The following ARHGEF2 variants were observed in gnomAD, a reference collection of about 807,000 sequenced individuals.
ARHGEF2 encodes the protein Rho/Rac guanine nucleotide exchange factor 2.
In ARHGEF2, 22 loss-of-function variants were observed where a neutral mutation model predicts 121.0. That is an observed-to-expected ratio of 0.18 (90% confidence interval 0.13 to 0.26). The LOEUF (loss-of-function observed/expected upper bound fraction) is 0.26. Among genes scored for constraint, ARHGEF2 ranks in the 10% least tolerant of loss-of-function variants. The pLI, the probability that ARHGEF2 is intolerant of heterozygous loss-of-function variation, is 1.00. For missense variants in ARHGEF2, 907 were observed against 1,336.0 expected, an observed-to-expected ratio of 0.68 and a Z score of 5.01; for synonymous variants, 487 against 530.0, an observed-to-expected ratio of 0.92 and a Z score of 1.11.
chr1:155,947,903 G>A lies in ARHGEF2; in HGVS notation c.*39C>T. 1.5e-6 allele frequency: 2 copies of A among 1,336,776 alleles called. No individual in the cohort carries two copies. The highest frequency in any genetic ancestry group is 1.0e-6 in the Non-Finnish European group (1 of 958,112). The allele number at this position is 1,336,776 out of a possible 1,614,324, so 82.8% of individuals were successfully genotyped here. A position where few individuals can be genotyped will look rare whatever the true frequency, so the allele number is the denominator to read the frequency against. On this transcript the variant is annotated 3_prime_UTR_variant, in exon 22 of 22. Transcript: ENST00000361247. The stretch of plus-strand genomic sequence containing the variant: ...CCCCAAGGTTAGCCCCCTCAGTAAT[G>A]TTCTTCAGTGGGGCACGGGGCAGGG...
rs1677916379 is a variant in ARHGEF2, at chr1:155,961,518, C to A, written c.1468+143G>T. 1.9e-5 allele frequency: 23 copies of A among 1,195,914 alleles called. No homozygotes were observed. In the South Asian group the frequency reaches 3.0e-4, roughly 16 times the overall value. The allele number at this position is 1,195,914 out of a possible 1,614,324, so 74.1% of individuals were successfully genotyped here. On this transcript the variant is annotated intron_variant, in intron 11 of 21. Transcript: ENST00000361247. This position sits in a 1 kb window ranked among gnomAD's most constrained non-coding sequence, Gnocchi z 4.7. ...CTCAATCTCCTGACCTCGTGATCCG[C>A]CCGCCTCGGCCTCCCTAAGTGCTGG...
In ARHGEF2 at chr1:155,961,786, C is replaced by T. The variant is rs1375114361; in HGVS notation, c.1343G>A (p.Arg448His). Reference sequence around the variant, plus strand: ...TGGGGTTTGGGCCCGAGGGTCCATGCGGTTGTAGATCTCCTGCAGACGGGC... The same window carrying T: ...TGGGGTTTGGGCCCGAGGGTCCATGTGGTTGTAGATCTCCTGCAGACGGGC... ...KGARLQEIYN[R>H]MDPRAQTPVP... The change falls in exon 11 of 22, where the codon CGC (arginine) becomes CAC (histidine). Residue 448 changes from arginine (R) to histidine (H), a missense_variant. This residue lies in a region of ARHGEF2 where 475 missense variants were observed against 776.5 expected (regional missense o/e 0.61). Coordinates refer to ENST00000361247, the MANE Select transcript of ARHGEF2 (RefSeq NM_001162383.2). This position sits in a 1 kb window ranked among gnomAD's most constrained non-coding sequence, Gnocchi z 4.7. 9.3e-6 allele frequency: 15 copies of T among 1,614,066 alleles called. No individual in the cohort carries two copies. The highest frequency in any genetic ancestry group is 2.2e-5 in the East Asian group (1 of 44,898).
chr1:155,952,864 G>T, intron 14 of ARHGEF2, 36 bp from the exon 15 acceptor site: 2 of 1,608,230 alleles, frequency 1.2e-6, no homozygotes, highest in Non-Finnish European at 1.7e-6. Flanking sequence ...ATGAGAGGAC[G>T]TAGGGGTATG....
chr1:155,964,201 T>TATATATATATATATAC (rs1678843036), intron 7 of ARHGEF2, among the ~76,000 whole-genome samples: 1 of 114,760 alleles, frequency 8.7e-6, no homozygotes, highest in African/African-American at 3.4e-5. Context: ...TATATATACA[T>TATATATATATATATAC]ATATATATAT....
At chr1:155,959,821 T>C (rs2102653476) in intron 11 of ARHGEF2, among the ~76,000 whole-genome samples, 1 of 152,308 alleles carries the variant, frequency 6.6e-6, no homozygotes, top group African/African-American at 2.4e-5. Flanking sequence ...AGTGCTGAGA[T>C]TATAGGGATG....
rs1238081856 is a variant in ARHGEF2 at position 155,978,102 on chromosome 1, G to A, written c.63+263C>T. ...TTCTTTCAAGCGGCCTAAAGCACTC[G>A]GTCCCGCCGGCTTGGAGGCGACCAA... On this transcript the variant is annotated intron_variant, in intron 1 of 21. Transcript: ENST00000361247. This position sits in a 1 kb window ranked among gnomAD's most constrained non-coding sequence, Gnocchi z 4.1. 11 of 1,220,014 alleles carry A rather than the reference G, an allele frequency of 9.0e-6. No homozygotes were observed. Among genetic ancestry groups the A allele is most frequent in the African/African-American group, 6.3e-5 (4 of 63,772 alleles). 75.6% of individuals were successfully genotyped at this position (1,220,014 alleles called of 1,614,324 possible). A position where few individuals can be genotyped will look rare whatever the true frequency, so the allele number is the denominator to read the frequency against.
intron 7 of ARHGEF2, 65 bp from the exon 8 acceptor site, chr1:155,963,248 A>T (rs1678337978): frequency 1.3e-6 from 2 of 1,554,176 alleles, no homozygotes; most frequent in African/African-American, 2.7e-5. Context: ...GGGCCCTAGG[A>T]TAAGGACCTC....
chr1:155,952,664 G>A lies in ARHGEF2; in HGVS notation c.1948C>T (p.Arg650Cys), dbSNP rs768385602. 1.1e-5 allele frequency: 17 copies of A among 1,613,714 alleles called. No homozygotes were observed. In the East Asian group the frequency reaches 2.7e-4, roughly 25 times the overall value. ...GCATCCTGCAGCAGCCGCTCGCCACGAGGGGACTCAAGGGACTCAGAGCGG... is the reference window on the plus strand; with the variant it reads ...GCATCCTGCAGCAGCCGCTCGCCACAAGGGGACTCAAGGGACTCAGAGCGG... The part of the protein sequence containing the change: ...LFRSESLESP[R>C]GERLLQDAIR... Residue 650 changes from arginine to cysteine, a missense_variant, in exon 15 of 22, where the codon CGT (arginine) becomes TGT (cysteine). Physicochemically the swap from Arg to Cys is radical, Grantham distance 180. Around this residue, in one of 2 missense-constraint regions of ARHGEF2, gnomAD observed 432 missense variants for 559.5 expected, o/e 0.77. Transcript: ENST00000361247.
chr1:155,953,257 C>A lies in ARHGEF2; in HGVS notation c.1784-429G>T, dbSNP rs541446906. On this transcript the variant is annotated intron_variant, in intron 14 of 21. Transcript: ENST00000361247. ...CTCCAGCCTGGGCGACACAGCAAGACTCTGTCTCAAAAAAAAAAAAAAAAG... is the reference window on the plus strand; with the variant it reads ...CTCCAGCCTGGGCGACACAGCAAGAATCTGTCTCAAAAAAAAAAAAAAAAG... 5.0e-5 allele frequency among the ~76,000 whole-genome samples: 6 copies of A among 120,328 alleles called. No homozygotes were observed. In the South Asian group the frequency reaches 1.8e-3, roughly 36 times the overall value. The allele number at this position is 120,328 out of a possible 152,430, so 78.9% of individuals were successfully genotyped here.
Position 155,961,672 on chromosome 1 carries a change from C to T in ARHGEF2, c.1457G>A (p.Gly486Glu). Residue 486 changes from glycine to glutamate, a missense_variant, in exon 11 of 22, where the codon GGG (glycine) becomes GAG (glutamate). Gly to Glu is a moderately conservative substitution (Grantham distance 98). Coordinates refer to ENST00000361247, the MANE Select transcript of ARHGEF2 (RefSeq NM_001162383.2). This position sits in a 1 kb window ranked among gnomAD's most constrained non-coding sequence, Gnocchi z 4.7. ...CGAGCAGGTCTGACCTTTGAAGCGC[C>T]CCGTCGCTGTCTTCCAGAGCAGGCA... ...DGCLLWKTAT[G>E]RFKDVLVLLM... 6.2e-7 allele frequency: 1 copy of T among 1,611,620 alleles called. No homozygotes were observed. Among genetic ancestry groups the T allele is most frequent in the Non-Finnish European group, 8.5e-7 (1 of 1,179,810 alleles).
chr1:155,971,848 GAAC>G (rs1680530276), intron 1 of ARHGEF2, among the ~76,000 whole-genome samples: 1 of 149,214 alleles, frequency 6.7e-6, no homozygotes, highest in Admixed American at 6.7e-5. Context: ...AGGAGTTTGA[GAAC>G]AACCTGAGCA....
chr1:155,952,353 TG>T lies in ARHGEF2; in HGVS notation c.1985-119del, dbSNP rs1334511149. ...GGGGGAATGCCCCCTGCACTGGCAG[TG>T]GGGTTTCACTCACACAACCACTGAT... On this transcript the variant is annotated intron_variant, in intron 15 of 21. Coordinates refer to ENST00000361247, the MANE Select transcript of ARHGEF2 (RefSeq NM_001162383.2). 13 of 1,420,038 alleles carry T rather than the reference TG, an allele frequency of 9.2e-6. No individual in the cohort carries two copies. The Admixed American group carries it at 2.5e-4, about 27-fold the overall frequency. 88.0% of individuals were successfully genotyped at this position (1,420,038 alleles called of 1,614,324 possible). A position where few individuals can be genotyped will look rare whatever the true frequency, so the allele number is the denominator to read the frequency against.
intron 1 of ARHGEF2, chr1:155,970,192 T>C (rs1316824879): frequency 1.0e-5 from 10 of 985,408 alleles, no homozygotes; most frequent in Non-Finnish European, 1.2e-5. Context: ...CTTTCTGACA[T>C]CTACCCTCCA....
intron 11 of ARHGEF2, among the ~76,000 whole-genome samples, chr1:155,960,923 G>A (rs1025124049): frequency 1.7e-4 from 26 of 152,162 alleles, no homozygotes; most frequent in Non-Finnish European, 3.2e-4. Flanking sequence ...CCTCTGCCCT[G>A]CTGTCTCTTC....
At position 155,965,714 on chromosome 1, in the gene ARHGEF2, G is replaced by A; in HGVS notation, c.387C>T (p.Ser129=). 6.2e-7 allele frequency: 1 copy of A among 1,605,240 alleles called. No individual in the cohort carries two copies. Reference sequence around the variant, plus strand: ...GGGAGCCCAGGAGGGACTGCCGGAAGCTGTCGGAGGGGTAGATGGCCGAGC... The same window carrying A: ...GGGAGCCCAGGAGGGACTGCCGGAAACTGTCGGAGGGGTAGATGGCCGAGC... The part of the protein sequence containing the change: ...RPSSAIYPSD[S]FRQSLLGSRR... The change falls in exon 5 of 22, where the codon AGC becomes AGT. Residue 129 remains serine (S), a synonymous_variant. Coordinates refer to ENST00000361247, the MANE Select transcript of ARHGEF2 (RefSeq NM_001162383.2). This position sits in a 1 kb window ranked among gnomAD's most constrained non-coding sequence, Gnocchi z 6.0.
chr1:155,976,679 G>A (rs973746784), intron 1 of ARHGEF2, among the ~76,000 whole-genome samples: 5 of 135,704 alleles, frequency 3.7e-5, no homozygotes, highest in Admixed American at 9.2e-5. Flanking sequence ...CCTTTTTAGG[G>A]TGGAACCAAA....
intron 1 of ARHGEF2, among the ~76,000 whole-genome samples, chr1:155,973,451 A>G (rs1680803854): frequency 6.6e-6 from 1 of 152,210 alleles, no homozygotes; most frequent in Non-Finnish European, 1.5e-5. Context: ...TTTGGGAAAG[A>G]AAGACAGGGC....
chr1:155,952,988 G>C (rs1675821787), intron 14 of ARHGEF2, among the ~76,000 whole-genome samples, 160 bp from the exon 15 acceptor site: 1 of 152,188 alleles, frequency 6.6e-6, no homozygotes, highest in Non-Finnish European at 1.5e-5. Context: ...CTGTTGGTCA[G>C]GTGTAGTGGC....
Position 155,962,795 on chromosome 1 carries a change from C to A in ARHGEF2, c.976-77G>T. On this transcript the variant is annotated intron_variant, in intron 8 of 21. Transcript: ENST00000361247. The surrounding 1 kb of genome is among the most constrained non-coding windows in gnomAD (Gnocchi z 5.8). ...TACCCACTGGACACACCTCTGGCCT[C>A]CTGCCAAACAGGCTGGCTTCCTGTT... is the stretch of plus-strand genomic sequence containing the variant. 6.2e-7 allele frequency: 1 copy of A among 1,600,504 alleles called. No individual in the cohort carries two copies. The highest frequency in any genetic ancestry group is 8.5e-7 in the Non-Finnish European group (1 of 1,171,806).
Sources: allele counts gnomAD v4.1 joint callset (sites outside exome capture counted in the v4.1 genomes callset), GRCh38; gene constraint gnomAD v4.1.1; regional missense constraint gnomAD v4.1.1; non-coding constraint Gnocchi (gnomAD v3.1); transcripts MANE v1.5; gene names NCBI Gene and HGNC (gene_info 2026-07-23, HGNC 2026-07-21).